The following SLC6A19 variants were observed in gnomAD, a reference collection of about 807,000 sequenced individuals.
SLC6A19 encodes the protein solute carrier family 6 member 19.
Under a neutral mutation model 68.3 loss-of-function variants are expected in SLC6A19, and 67 were observed. That is an observed-to-expected ratio of 0.98 (90% confidence interval 0.81 to 1.20). The LOEUF is 1.20. SLC6A19 is among the 50% of genes most tolerant of loss of function. The pLI is 0.00. For synonymous variants in SLC6A19, 392 were observed against 374.9 expected (o/e 1.05, Z -0.53); for missense variants, 813 against 851.6 (o/e 0.95, Z 0.56).
intron 1 of SLC6A19, among the ~76,000 whole-genome samples, chr5:1,203,916 G>A (rs1745782883): frequency 6.6e-6 from 1 of 152,216 alleles, no homozygotes. Context: ...GAGCTTTCAG[G>A]GAGGCAGCTG....
rs749563883 is a variant in SLC6A19, at chr5:1,218,949, T to C, written c.1220T>C (p.Ile407Thr). 2.5e-6 allele frequency: 4 copies of C among 1,613,948 alleles called. No individual in the cohort carries two copies. Among genetic ancestry groups the C allele is most frequent in the African/African-American group, 2.7e-5 (2 of 74,916 alleles). ...GCCTTCATCGTCTTCACCGAGGCCA[T>C]CACCAAGATGCCGTTGTCCCCACTG... is the stretch of plus-strand genomic sequence containing the variant. ...GLAFIVFTEA[I>T]TKMPLSPLWS... Residue 407 changes from isoleucine (I) to threonine (T), a missense_variant, in exon 9 of 12, where the codon ATC becomes ACC. Coordinates refer to ENST00000304460, the MANE Select transcript of SLC6A19 (RefSeq NM_001003841.3).
chr5:1,210,562 G>A lies in SLC6A19; in HGVS notation c.462G>A (p.Pro154=), dbSNP rs775341644. 9 of 1,612,798 alleles carry A rather than the reference G, an allele frequency of 5.6e-6. No homozygotes were observed. The highest frequency in any genetic ancestry group is 2.7e-5 in the African/African-American group (2 of 74,922). Residue 154 remains proline (P), a synonymous_variant, in exon 3 of 12, where the codon CCG becomes CCA. Coordinates refer to ENST00000304460, the MANE Select transcript of SLC6A19 (RefSeq NM_001003841.3). ...FQEPLPWSDC[P]LNENQTGYVD... ...AGCCTCTGCCCTGGAGCGACTGCCC[G>A]CTCAACGAGAACCAGACAGGTGAGT...
chr5:1,218,930 A>T lies in SLC6A19; in HGVS notation c.1201A>T (p.Ile401Phe), dbSNP rs750379512. Reference sequence around the variant, plus strand: ...CGTGGAGGGCACAGGCCTGGCCTTCATCGTCTTCACCGAGGCCATCACCAA... The same window carrying T: ...CGTGGAGGGCACAGGCCTGGCCTTCTTCGTCTTCACCGAGGCCATCACCAA... ...EAVEGTGLAFIVFTEAITKMP... is the reference protein window; with the variant it reads ...EAVEGTGLAFFVFTEAITKMP... Residue 401 changes from isoleucine to phenylalanine, a missense_variant, in exon 9 of 12, where the codon ATC becomes TTC. Physicochemically the swap from Ile to Phe is conservative, Grantham distance 21. Coordinates refer to ENST00000304460, the MANE Select transcript of SLC6A19 (RefSeq NM_001003841.3). 9 of 1,613,902 alleles carry T rather than the reference A, an allele frequency of 5.6e-6. No individual in the cohort carries two copies. Among genetic ancestry groups the T allele is most frequent in the Non-Finnish European group, 7.6e-6 (9 of 1,180,018 alleles).
chr5:1,214,524 C>T lies in SLC6A19; in HGVS notation c.887+459C>T, dbSNP rs1746150330. Among the ~76,000 whole-genome samples the T allele has an allele frequency of 6.6e-6, 1 of 152,200 alleles. No homozygotes were observed. ...AATGCCCCTGGGAAGGATGCATACC[C>T]TGGAGTCCCCAGCAGCGTCTGGGAG... On this transcript the variant is annotated intron_variant, in intron 6 of 11. Coordinates refer to ENST00000304460, the MANE Select transcript of SLC6A19 (RefSeq NM_001003841.3). The surrounding 1 kb of genome is among the most constrained non-coding windows in gnomAD (Gnocchi z 7.4).
intron 8 of SLC6A19, among the ~76,000 whole-genome samples, chr5:1,218,624 T>C (rs1746270811): frequency 6.6e-6 from 1 of 152,238 alleles, no homozygotes; most frequent in South Asian, 2.1e-4. Flanking sequence ...CTGTGCAGGC[T>C]GTGAGATCTC....
intron 4 of SLC6A19, among the ~76,000 whole-genome samples, chr5:1,213,028 C>A (rs1245439110): frequency 7.2e-6 from 1 of 138,194 alleles, no homozygotes; most frequent in Admixed American, 7.2e-5. Flanking sequence ...TGCCCCCCAT[C>A]CCCACCCATT....
chr5:1,214,080 G>T lies in SLC6A19; in HGVS notation c.887+15G>T, dbSNP rs750163466. The T allele has an allele frequency of 6.2e-6, 10 of 1,613,568 alleles. No individual in the cohort carries two copies. In the African/African-American group the frequency reaches 1.3e-4, roughly 22 times the overall value. ...AACTCTGTGCAGTGAGTGCGGGTGTGGTGGGCCTCAGTTTCCCTCTCAGTC... is the reference window on the plus strand; with the variant it reads ...AACTCTGTGCAGTGAGTGCGGGTGTTGTGGGCCTCAGTTTCCCTCTCAGTC... On this transcript the variant is annotated intron_variant, in intron 6 of 11. Transcript: ENST00000304460. The surrounding 1 kb of genome is among the most constrained non-coding windows in gnomAD (Gnocchi z 7.4).
rs1277914260 is a variant in SLC6A19 at position 1,209,846 on chromosome 5, T to G, written c.344-598T>G. ...CATATTCACAACACACATTTGGTTTTGAGTTTGAAACTTCAGTAAAGCATG... is the reference window on the plus strand; with the variant it reads ...CATATTCACAACACACATTTGGTTTGGAGTTTGAAACTTCAGTAAAGCATG... On this transcript the variant is annotated intron_variant, in intron 2 of 11. Transcript: ENST00000304460. The surrounding 1 kb of genome is among the most constrained non-coding windows in gnomAD (Gnocchi z 5.5). Among the ~76,000 whole-genome samples the G allele has an allele frequency of 1.3e-5, 2 of 152,220 alleles. No individual in the cohort carries two copies.
At position 1,224,795 on chromosome 5, in the gene SLC6A19, T is replaced by C. The variant is rs1203232365; in HGVS notation, c.*2891T>C. The C allele has an allele frequency of 6.6e-6, 1 of 152,628 alleles. No homozygotes were observed. The highest frequency in any genetic ancestry group is 2.4e-5 in the African/African-American group (1 of 41,474). The allele number at this position is 152,628 out of a possible 1,614,324, so 9.5% of individuals were successfully genotyped here. On this transcript the variant is annotated 3_prime_UTR_variant, in exon 12 of 12. Coordinates refer to ENST00000304460, the MANE Select transcript of SLC6A19 (RefSeq NM_001003841.3). ...CCAGGGAGCACTGTGGGGAGCTCCT[T>C]AGAGCTGAACTCACCCGGCGTCAAC...
Position 1,216,718 on chromosome 5 carries a change from G to A in SLC6A19, c.1016+32G>A, listed in dbSNP as rs150741782. 1.5e-3 allele frequency: 2,469 copies of A among 1,613,656 alleles called. 4 individuals carry two copies. Among genetic ancestry groups the A allele is most frequent in the Middle Eastern group, 4.1e-3 (25 of 6,060 alleles). On this transcript the variant is annotated intron_variant, in intron 7 of 11. Coordinates refer to ENST00000304460, the MANE Select transcript of SLC6A19 (RefSeq NM_001003841.3). ...GGCTGTCCCACCATCCTGGTGCCTT[G>A]GGCTGCGCCTCCAGGAAGCCTCCCA...
chr5:1,205,268 G>A (rs1384995465), intron 1 of SLC6A19, among the ~76,000 whole-genome samples: 2 of 152,266 alleles, frequency 1.3e-5, no homozygotes, highest in African/African-American at 4.8e-5. Flanking sequence ...ACACTAGGAA[G>A]AAGTCGCTGC....
At position 1,218,894 on chromosome 5, in the gene SLC6A19, T is replaced by C. The variant is rs372674669; in HGVS notation, c.1174-9T>C. 2.5e-6 allele frequency: 4 copies of C among 1,612,184 alleles called. No homozygotes were observed. The African/African-American group carries it at 5.3e-5, about 21-fold the overall frequency. ...CAGAGGCCCTGGTGACTGTGTGTCA[T>C]CCGTGCAGGCCGTGGAGGGCACAGG... On this transcript the variant is annotated splice_polypyrimidine_tract_variant and intron_variant, in intron 8 of 11. Coordinates refer to ENST00000304460, the MANE Select transcript of SLC6A19 (RefSeq NM_001003841.3).
At chr5:1,205,279 G>T (rs528662116) in intron 1 of SLC6A19, among the ~76,000 whole-genome samples, 1 of 152,218 alleles carries the variant, frequency 6.6e-6, no homozygotes, top group Admixed American at 6.5e-5. Context: ...AAGTCGCTGC[G>T]TTTAAAAGAC....
rs1745959228 is a variant in SLC6A19 at position 1,209,452 on chromosome 5, T to C, written c.343+566T>C. Among the ~76,000 whole-genome samples the C allele has an allele frequency of 6.6e-6, 1 of 152,044 alleles. No homozygotes were observed. Among genetic ancestry groups the C allele is most frequent in the South Asian group, 2.1e-4 (1 of 4,816 alleles). On this transcript the variant is annotated intron_variant, in intron 2 of 11. Transcript: ENST00000304460. This position sits in a 1 kb window ranked among gnomAD's most constrained non-coding sequence, Gnocchi z 5.5. ...GTCTGAGTCCAGGAAGCACCTGCCC[T>C]TCGGAAGCCTGCAGGCCTGGAGCAG...
intron 3 of SLC6A19, among the ~76,000 whole-genome samples, chr5:1,211,123 G>A (rs934171648): frequency 6.6e-6 from 1 of 152,196 alleles, no homozygotes; most frequent in African/African-American, 2.4e-5. Flanking sequence ...GGTCACCACC[G>A]GCTTCTGGTC....
intron 8 of SLC6A19, among the ~76,000 whole-genome samples, chr5:1,218,640 C>T (rs905462229): frequency 5.3e-5 from 8 of 152,240 alleles, no homozygotes; most frequent in Non-Finnish European, 1.0e-4. Flanking sequence ...ATCTCAGAAG[C>T]TCCCTGTGTT....
At chr5:1,216,709 T>C (rs1746220129) in intron 7 of SLC6A19, 23 bp downstream of exon 7, 1 of 1,613,714 alleles carries the variant, frequency 6.2e-7, no homozygotes, top group Admixed American at 1.7e-5. Context: ...CCCACCATCC[T>C]GGTGCCTTGG....
At chr5:1,220,824 G>A (rs1436612394) in intron 10 of SLC6A19, among the ~76,000 whole-genome samples, 1 of 152,218 alleles carries the variant, frequency 6.6e-6, no homozygotes, top group African/African-American at 2.4e-5. Flanking sequence ...GAGAGGCTGG[G>A]GGTGTCTGGC....
At position 1,213,574 on chromosome 5, in the gene SLC6A19, G is replaced by C. The variant is rs554777392; in HGVS notation, c.774+1G>C. On this transcript the variant is annotated splice_donor_variant, in intron 5 of 11. Coordinates refer to ENST00000304460, the MANE Select transcript of SLC6A19 (RefSeq NM_001003841.3). LOFTEE classifies it high-confidence loss of function. ...CATCGTCTTCCTCTTCACGCCCAAC[G>C]TAAGTCCCCGAGGCTGCCCTGGGCC... 2.5e-6 allele frequency: 4 copies of C among 1,611,240 alleles called. No homozygotes were observed. The highest frequency in any genetic ancestry group is 3.4e-6 in the Non-Finnish European group (4 of 1,179,176).
Sources: gnomAD v4.1 joint callset for allele counts (sites outside exome capture counted in the v4.1 genomes callset) on GRCh38, gnomAD v4.1.1 for gene constraint, Gnocchi (gnomAD v3.1) non-coding constraint, MANE v1.5 for transcripts, NCBI Gene and HGNC (gene_info 2026-07-23, HGNC 2026-07-21) for gene names.